MAPKAPK5: variants seen among roughly 807,000 people sequenced by gnomAD.
MAPKAPK5 encodes the protein MAPK activated protein kinase 5.
In MAPKAPK5, 30 loss-of-function variants were observed where a neutral mutation model predicts 65.1. The observed-to-expected ratio is 0.46, with a 90% CI of 0.34 to 0.63. MAPKAPK5 has a LOEUF of 0.63. Among genes scored for constraint, MAPKAPK5 ranks in the 20% least tolerant of loss-of-function variants. The pLI is 0.01. For missense variants in MAPKAPK5, 433 were observed against 581.4 expected, an observed-to-expected ratio of 0.74 and a Z score of 2.63; for synonymous variants, 179 against 204.6, an observed-to-expected ratio of 0.87 and a Z score of 1.07.
In MAPKAPK5 at chr12:111,850,278, C is replaced by T. The variant is rs193057097; in HGVS notation, c.36+7509C>T. ...TCCTGACCTTGTGATCTGCCTGCATCGGCCTCCCAAAGTGCTGGGATTACA... is the reference window on the plus strand; with the variant it reads ...TCCTGACCTTGTGATCTGCCTGCATTGGCCTCCCAAAGTGCTGGGATTACA... On this transcript the variant is annotated intron_variant, in intron 1 of 13. Transcript: ENST00000550735. 2.7e-3 allele frequency among the ~76,000 whole-genome samples: 409 copies of T among 152,254 alleles called. 6 individuals carry two copies. Among genetic ancestry groups the T allele is most frequent in the African/African-American group, 9.5e-3 (394 of 41,546 alleles).
chr12:111,844,442 C>T (rs561029521), intron 1 of MAPKAPK5, among the ~76,000 whole-genome samples: 24 of 152,032 alleles, frequency 1.6e-4, no homozygotes, highest in South Asian at 2.1e-4. Flanking sequence ...TTGCCCGCCT[C>T]GGCCTCCCAA....
chr12:111,867,391 T>C (rs140474178), intron 3 of MAPKAPK5, among the ~76,000 whole-genome samples, 181 bp from the exon 4 acceptor site: 150 of 152,346 alleles, frequency 9.8e-4, no homozygotes, highest in African/African-American at 3.4e-3. Flanking sequence ...GTAAATCTGT[T>C]GGTGAGTTTT....
rs1351746120 is a variant in MAPKAPK5, at chr12:111,897,424, G to GAGAATT, written c.*4368_*4373dup. On this transcript the variant is annotated 3_prime_UTR_variant, in exon 14 of 14. Coordinates refer to ENST00000550735, the MANE Select transcript of MAPKAPK5 (RefSeq NM_003668.4). ...TATTGAAGAAAATAAGTTTCAATTT[G>GAGAATT]AGAATTAGAAAATTGGATATTTCAT... 8 of 152,172 alleles carry GAGAATT rather than the reference G, an allele frequency of 5.3e-5. No individual in the cohort carries two copies. Among genetic ancestry groups the GAGAATT allele is most frequent in the Non-Finnish European group, 1.2e-4 (8 of 68,038 alleles). 9.4% of individuals were successfully genotyped at this position (152,172 alleles called of 1,614,324 possible).
intron 4 of MAPKAPK5, among the ~76,000 whole-genome samples, chr12:111,868,434 A>T (rs1290559566): frequency 6.6e-6 from 1 of 152,222 alleles, no homozygotes; most frequent in Non-Finnish European, 1.5e-5. Context: ...AAAAGAAGAT[A>T]GAATTTTAAA....
chr12:111,890,478 A>G (rs1423072088), intron 13 of MAPKAPK5, among the ~76,000 whole-genome samples: 1 of 152,236 alleles, frequency 6.6e-6, no homozygotes, highest in African/African-American at 2.4e-5. Flanking sequence ...CCAGGTCATT[A>G]AGAAGCAACA....
At chr12:111,875,186 T>C (rs1566257285) in intron 7 of MAPKAPK5, among the ~76,000 whole-genome samples, 1 of 152,104 alleles carries the variant, frequency 6.6e-6, no homozygotes, top group Admixed American at 6.6e-5. Context: ...TTTTTTTCTT[T>C]TTCTTTTTTG....
At chr12:111,891,309 C>T (rs1377009473) in intron 13 of MAPKAPK5, among the ~76,000 whole-genome samples, 2 of 149,720 alleles carry the variant, frequency 1.3e-5, no homozygotes, top group Non-Finnish European at 3.0e-5. Context: ...ACCATGTTGG[C>T]CAGGCTCGTC....
intron 1 of MAPKAPK5, among the ~76,000 whole-genome samples, chr12:111,846,710 G>C (rs149753972): frequency 1.3e-3 from 200 of 151,862 alleles, no homozygotes; most frequent in African/African-American, 4.6e-3. Context: ...TGTTGGCCAG[G>C]CTGATCTCGA....
At chr12:111,867,479 A>G (rs1295454377) in intron 3 of MAPKAPK5, 93 bp from the exon 4 acceptor site, 4 of 799,122 alleles carry the variant, frequency 5.0e-6, no homozygotes, top group African/African-American at 1.7e-5. Context: ...TAAAGTTTTT[A>G]TTGTAATTAG....
intron 1 of MAPKAPK5, among the ~76,000 whole-genome samples, chr12:111,857,441 C>T (rs1381419759): frequency 2.6e-5 from 4 of 151,918 alleles, no homozygotes; most frequent in Non-Finnish European, 5.9e-5. Flanking sequence ...TTAGTAGAGA[C>T]GAGGTTTCGC....
At chr12:111,853,580 G>A (rs887527050) in intron 1 of MAPKAPK5, among the ~76,000 whole-genome samples, 1 of 152,022 alleles carries the variant, frequency 6.6e-6, no homozygotes, top group Non-Finnish European at 1.5e-5. Context: ...TGTTGCCCAG[G>A]CTGGAGTGCA....
intron 3 of MAPKAPK5, among the ~76,000 whole-genome samples, chr12:111,866,460 A>G (rs1329726379): frequency 1.3e-5 from 2 of 152,188 alleles, no homozygotes; most frequent in African/African-American, 4.8e-5. Flanking sequence ...TTTAAAATTA[A>G]TGTGATTCTT....
intron 13 of MAPKAPK5, among the ~76,000 whole-genome samples, chr12:111,890,865 C>T (rs1302368446): frequency 6.6e-6 from 1 of 151,788 alleles, no homozygotes; most frequent in South Asian, 2.1e-4. Flanking sequence ...ACCATGTTGG[C>T]CAGGCTGGTC....
intron 6 of MAPKAPK5, 107 bp from the exon 7 acceptor site, chr12:111,870,978 T>C (rs1271713634): frequency 1.3e-6 from 1 of 775,610 alleles, no homozygotes; most frequent in Non-Finnish European, 2.1e-6. Context: ...GCATCTCAGC[T>C]GGAAAGAAAC....
intron 1 of MAPKAPK5, among the ~76,000 whole-genome samples, chr12:111,858,933 C>T (rs1424771378): frequency 2.0e-5 from 3 of 147,602 alleles, no homozygotes; most frequent in Non-Finnish European, 4.5e-5. Context: ...TTCTGTTTCT[C>T]GGCTGAAAAT....
At chr12:111,850,345 A>G (rs2069037902) in intron 1 of MAPKAPK5, among the ~76,000 whole-genome samples, 1 of 152,198 alleles carries the variant, frequency 6.6e-6, no homozygotes, top group African/African-American at 2.4e-5. Context: ...TTTTTATTTC[A>G]TATTGAAGAT....
In MAPKAPK5 at chr12:111,883,482, A is replaced by G; in HGVS notation, c.661-99A>G. The G allele has an allele frequency of 1.0e-6, 1 of 955,680 alleles. No homozygotes were observed. The highest frequency in any genetic ancestry group is 2.4e-5 in the East Asian group (1 of 41,228). 59.2% of individuals were successfully genotyped at this position (955,680 alleles called of 1,614,324 possible). Reference sequence around the variant, plus strand: ...CTGTTAAGTGACTCTAGTTTATATCAGCCTATATATTGCAGGGGCTATTCC... The same window carrying G: ...CTGTTAAGTGACTCTAGTTTATATCGGCCTATATATTGCAGGGGCTATTCC... On this transcript the variant is annotated intron_variant, in intron 8 of 13. Coordinates refer to ENST00000550735, the MANE Select transcript of MAPKAPK5 (RefSeq NM_003668.4). This position sits in a 1 kb window ranked among gnomAD's most constrained non-coding sequence, Gnocchi z 4.8.
In MAPKAPK5 at chr12:111,896,788, C is replaced by T. The variant is rs1291897793; in HGVS notation, c.*3727C>T. 3.3e-5 allele frequency: 5 copies of T among 152,156 alleles called. No individual in the cohort carries two copies. The highest frequency in any genetic ancestry group is 1.5e-5 in the Non-Finnish European group (1 of 68,028). The allele number at this position is 152,156 out of a possible 1,614,324, so 9.4% of individuals were successfully genotyped here. ...AGTAAAAAAACTTGTCTCTCTCTGA[C>T]TAATATGTATGAATATAGGAGAATC... is the stretch of plus-strand genomic sequence containing the variant. On this transcript the variant is annotated 3_prime_UTR_variant, in exon 14 of 14. Transcript: ENST00000550735.
rs766657119 is a variant in MAPKAPK5, at chr12:111,900,607, G to C, written c.*7546G>C. 4.4e-6 allele frequency: 2 copies of C among 456,162 alleles called. No individual in the cohort carries two copies. The highest frequency in any genetic ancestry group is 3.1e-5 in the South Asian group (2 of 64,564). 28.3% of individuals were successfully genotyped at this position (456,162 alleles called of 1,614,324 possible). On this transcript the variant is annotated 3_prime_UTR_variant, in exon 14 of 14. Transcript: ENST00000550735. ...GGTGTGGTGGAGGACACGGAGCAGT[G>C]TGACTGTGGTTCTCTATGTCAGCAT...
Sources: gnomAD v4.1 joint callset for allele counts (sites outside exome capture counted in the v4.1 genomes callset) on GRCh38, gnomAD v4.1.1 for gene constraint, Gnocchi (gnomAD v3.1) non-coding constraint, MANE v1.5 for transcripts, NCBI Gene and HGNC (gene_info 2026-07-23, HGNC 2026-07-21) for gene names.